The following ITPRID1 variants were observed in gnomAD, a reference collection of about 807,000 sequenced individuals.
ITPRID1 encodes protein ITPRID1.
ITPRID1 carries 96 observed loss-of-function variants against 95.4 expected under a neutral mutation model. The observed-to-expected ratio is 1.01, with a 90% CI of 0.85 to 1.19. The LOEUF (loss-of-function observed/expected upper bound fraction) is 1.19. Ranked by LOEUF, ITPRID1 falls within the 50% of genes most tolerant of loss-of-function variation. The pLI is 0.00. For missense variants in ITPRID1, 1,339 were observed against 1,252.9 expected, an observed-to-expected ratio of 1.07 and a Z score of -1.04; for synonymous variants, 510 against 453.6, an observed-to-expected ratio of 1.12 and a Z score of -1.58.
rs902640796 is a variant in ITPRID1 at position 31,654,368 on chromosome 7, G to A, written c.*1539G>A. 2.0e-5 allele frequency among the ~76,000 whole-genome samples: 3 copies of A among 152,208 alleles called. No individual in the cohort carries two copies. On this transcript the variant is annotated 3_prime_UTR_variant, in exon 15 of 15. Coordinates refer to ENST00000615280, the MANE Select transcript of ITPRID1 (RefSeq NM_001257967.3). ...GGAGATGGAGGGAGGGGAAGGCTGAGAGGGGATCGGTCAGACTATAGGCCA... is the reference window on the plus strand; with the variant it reads ...GGAGATGGAGGGAGGGGAAGGCTGAAAGGGGATCGGTCAGACTATAGGCCA...
intron 10 of ITPRID1, among the ~76,000 whole-genome samples, chr7:31,637,186 G>A (rs38383): frequency 0.16 from 23,811 of 151,656 alleles, 2,332 homozygotes; most frequent in Non-Finnish European, 0.2. Flanking sequence ...GAATAGTGCC[G>A]CAATAAACAT....
At chr7:31,651,491 C>G (rs993992398) in intron 13 of ITPRID1, among the ~76,000 whole-genome samples, 2 of 152,096 alleles carry the variant, frequency 1.3e-5, no homozygotes, top group Non-Finnish European at 2.9e-5. Context: ...AAAAGACAGG[C>G]AGTCAGGGGC....
At chr7:31,532,347 CT>C (rs1172570676) in intron 1 of ITPRID1, among the ~76,000 whole-genome samples, 1 of 151,932 alleles carries the variant, frequency 6.6e-6, no homozygotes, top group Non-Finnish European at 1.5e-5. Flanking sequence ...AATTTTATTT[CT>C]TTTCTTGTTT....
At chr7:31,530,661 C>T (rs1783567338) in intron 1 of ITPRID1, among the ~76,000 whole-genome samples, 1 of 152,144 alleles carries the variant, frequency 6.6e-6, no homozygotes, top group South Asian at 2.1e-4. Context: ...TCACTGTAAA[C>T]TTTCACTGTA....
At position 31,578,232 on chromosome 7, in the gene ITPRID1, A is replaced by T; in HGVS notation, c.968A>T (p.Asp323Val). The change falls in exon 9 of 15, where the codon GAT becomes GTT. Residue 323 changes from aspartate (D) to valine (V), a missense_variant. Coordinates refer to ENST00000615280, the MANE Select transcript of ITPRID1 (RefSeq NM_001257967.3). ...VEHQSLQACD[D>V]LLPYPPHGLL... is the part of the protein sequence containing the mutation. Reference sequence around the variant, plus strand: ...CATCAGTCTCTCCAAGCCTGTGATGATTTGCTACCTTATCCTCCTCATGGT... The same window carrying T: ...CATCAGTCTCTCCAAGCCTGTGATGTTTTGCTACCTTATCCTCCTCATGGT... The T allele has an allele frequency of 1.2e-6, 2 of 1,613,724 alleles. No homozygotes were observed. Among genetic ancestry groups the T allele is most frequent in the South Asian group, 1.1e-5 (1 of 91,074 alleles).
chr7:31,572,666 T>A (rs1023380025), intron 7 of ITPRID1, among the ~76,000 whole-genome samples: 1 of 152,090 alleles, frequency 6.6e-6, no homozygotes, highest in Non-Finnish European at 1.5e-5. Flanking sequence ...GGGTAATAAT[T>A]GAGGGGAGTG....
chr7:31,617,549 A>AATTATTTAAGAGAAAATACATCCTGATT (rs1787373922), intron 10 of ITPRID1, among the ~76,000 whole-genome samples: 1 of 152,122 alleles, frequency 6.6e-6, no homozygotes, highest in Admixed American at 6.5e-5. Flanking sequence ...GTTCAGACAA[A>AATTATTTAAGAGAAAATACATCCTGATT]ATTATTTAAG....
At chr7:31,574,489 G>T in intron 7 of ITPRID1, 51 bp from the exon 8 acceptor site, 1 of 1,534,046 alleles carries the variant, frequency 6.5e-7, no homozygotes, top group East Asian at 2.3e-5. Context: ...AGAAAAAAAT[G>T]GTGTTGGGTT....
downstream of ITPRID1, chr7:31,656,511 TCTTC>T: frequency 1.1e-6 from 1 of 949,068 alleles, no homozygotes. Context: ...GTAATTACTG[TCTTC>T]CTTCTGTTGA....
chr7:31,607,863 T>G (rs1005827669), intron 10 of ITPRID1, among the ~76,000 whole-genome samples: 4 of 152,228 alleles, frequency 2.6e-5, no homozygotes, highest in African/African-American at 9.6e-5. Context: ...CAGTTTATCT[T>G]CCAGCACTTT....
At chr7:31,533,709 T>G (rs1249922219) in intron 1 of ITPRID1, among the ~76,000 whole-genome samples, 1 of 152,230 alleles carries the variant, frequency 6.6e-6, no homozygotes, top group East Asian at 1.9e-4. Flanking sequence ...TTGTGATTTC[T>G]TCTTTGACCC....
In ITPRID1 at chr7:31,633,582, G is replaced by A. The variant is rs545365023; in HGVS notation, c.1229-8594G>A. 9.9e-5 allele frequency among the ~76,000 whole-genome samples: 15 copies of A among 152,244 alleles called. 1 individual carries two copies. The highest frequency in any genetic ancestry group is 2.6e-4 in the African/African-American group (11 of 41,546). On this transcript the variant is annotated intron_variant, in intron 10 of 14. Coordinates refer to ENST00000615280, the MANE Select transcript of ITPRID1 (RefSeq NM_001257967.3). ...TCTGGTCTGAACAATTCACACTACC[G>A]CCCATTGTCCTGAAGTCTAGCTGTT...
chr7:31,551,864 A>G (rs1344506370), intron 2 of ITPRID1: 1 of 405,190 alleles, frequency 2.5e-6, no homozygotes, highest in South Asian at 1.8e-5. Flanking sequence ...CTACTTGGCC[A>G]TTTCTGTAAA....
intron 10 of ITPRID1, among the ~76,000 whole-genome samples, chr7:31,599,551 C>A (rs1035901109): frequency 6.6e-6 from 1 of 151,926 alleles, no homozygotes; most frequent in Non-Finnish European, 1.5e-5. Flanking sequence ...TAGAGCTGAT[C>A]GGTGGCTATG....
At chr7:31,622,996 A>C (rs1788067198) in intron 10 of ITPRID1, among the ~76,000 whole-genome samples, 2 of 152,230 alleles carry the variant, frequency 1.3e-5, no homozygotes, top group African/African-American at 2.4e-5. Flanking sequence ...ATAAACTAGA[A>C]AGTCTAGAAG....
At chr7:31,642,339 C>G (rs1358627718) in intron 11 of ITPRID1, 81 bp downstream of exon 11, 3 of 939,242 alleles carry the variant, frequency 3.2e-6, no homozygotes, top group African/African-American at 1.7e-5. Context: ...CCACCCAAAC[C>G]TCACTCACAG....
At chr7:31,619,493 T>C (rs1301441624) in intron 10 of ITPRID1, among the ~76,000 whole-genome samples, 2 of 152,166 alleles carry the variant, frequency 1.3e-5, no homozygotes, top group Non-Finnish European at 2.9e-5. Flanking sequence ...TACTGTATCA[T>C]AGCATTTTGA....
intron 10 of ITPRID1, among the ~76,000 whole-genome samples, chr7:31,640,516 T>A (rs191060586): frequency 6.6e-6 from 1 of 152,362 alleles, no homozygotes; most frequent in Admixed American, 6.5e-5. Context: ...GGGTTCCCCC[T>A]TCTCATGCCA....
intron 8 of ITPRID1, among the ~76,000 whole-genome samples, chr7:31,576,236 C>G (rs1785178498): frequency 1.3e-5 from 2 of 152,142 alleles, no homozygotes; most frequent in South Asian, 4.1e-4. Flanking sequence ...AATAATAAAG[C>G]TAGTTGGCAG....
Sources: gnomAD v4.1 joint callset for allele counts (sites outside exome capture counted in the v4.1 genomes callset) on GRCh38, gnomAD v4.1.1 for gene constraint, MANE v1.5 for transcripts, NCBI Gene and HGNC (gene_info 2026-07-23, HGNC 2026-07-21) for gene names.